The following GRAMD1C variants were observed in gnomAD, a reference collection of about 807,000 sequenced individuals.
The protein encoded by GRAMD1C is GRAM domain containing 1C.
GRAMD1C carries 89 observed loss-of-function variants against 97.8 expected under a neutral mutation model. The ratio of observed to expected loss-of-function variants is 0.91; its 90% CI spans 0.77 to 1.09. The LOEUF is 1.09. Ranked by LOEUF, GRAMD1C falls within the 50% of genes least tolerant of loss-of-function variation. The pLI is 0.00. For synonymous variants in GRAMD1C, 256 were observed against 267.0 expected, an observed-to-expected ratio of 0.96 and a Z score of 0.40; for missense variants, 740 against 766.4, an observed-to-expected ratio of 0.97 and a Z score of 0.41.
At position 113,913,159 on chromosome 3, in the gene GRAMD1C, A is replaced by T. The variant is rs554863171; in HGVS notation, c.953-2542A>T. ...CTACTCTGGCCCCCAGTGGCCAAAT[A>T]GGTAAGTAGCACCAAAACCAGGATT... On this transcript the variant is annotated intron_variant, in intron 9 of 17. Transcript: ENST00000358160. The T allele has an allele frequency of 3.6e-5, 43 of 1,196,628 alleles. 1 individual carries two copies. In the South Asian group the frequency reaches 5.5e-4, roughly 15 times the overall value. 74.1% of individuals were successfully genotyped at this position (1,196,628 alleles called of 1,614,324 possible). A position where few individuals can be genotyped will look rare whatever the true frequency, so the allele number is the denominator to read the frequency against.
chr3:113,886,873 C>T (rs1935509018), intron 6 of GRAMD1C, among the ~76,000 whole-genome samples: 1 of 144,322 alleles, frequency 6.9e-6, no homozygotes, highest in Admixed American at 7.2e-5. Flanking sequence ...CCTCCAACTC[C>T]CTGGTTCAAG....
chr3:113,900,595 A>ATT (rs71633338), intron 6 of GRAMD1C, among the ~76,000 whole-genome samples: 17 of 137,576 alleles, frequency 1.2e-4, no homozygotes, highest in South Asian at 2.4e-4. Flanking sequence ...CAATTTTTGT[A>ATT]TTTTTTTTTT....
At chr3:113,868,790 G>A (rs1934679071) in intron 2 of GRAMD1C, among the ~76,000 whole-genome samples, 1 of 152,176 alleles carries the variant, frequency 6.6e-6, no homozygotes, top group African/African-American at 2.4e-5. Flanking sequence ...CAGGAAATGT[G>A]TGGATAGCTT....
chr3:113,849,914 GC>G, intron 2 of GRAMD1C, among the ~76,000 whole-genome samples: 1 of 141,144 alleles, frequency 7.1e-6, no homozygotes. Flanking sequence ...GGCTGGCCAG[GC>G]GGGGGGGCTG....
chr3:113,877,265 T>C (rs1935084684), intron 5 of GRAMD1C, among the ~76,000 whole-genome samples: 1 of 152,234 alleles, frequency 6.6e-6, no homozygotes, highest in Non-Finnish European at 1.5e-5. Flanking sequence ...ACCTTAGATA[T>C]TCTGGCATGT....
chr3:113,830,897 G>C (rs779030758), intron 1 of GRAMD1C, among the ~76,000 whole-genome samples: 1 of 152,124 alleles, frequency 6.6e-6, no homozygotes, highest in African/African-American at 2.4e-5. Context: ...TTAGGAATTC[G>C]AGGCCAGGGT....
intron 2 of GRAMD1C, among the ~76,000 whole-genome samples, chr3:113,868,873 C>T (rs1934684887): frequency 6.6e-6 from 1 of 152,074 alleles, no homozygotes; most frequent in Non-Finnish European, 1.5e-5. Context: ...GTTTATCAGG[C>T]CCATCTATGG....
intron 2 of GRAMD1C, chr3:113,850,870 T>G (rs1483423597): frequency 1.1e-5 from 3 of 283,264 alleles, no homozygotes; most frequent in Non-Finnish European, 1.7e-5. Context: ...GGTGTGATCT[T>G]GGCTCACTGC....
chr3:113,850,805 A>G, intron 2 of GRAMD1C: 1 of 705,058 alleles, frequency 1.4e-6, no homozygotes, highest in Non-Finnish European at 2.1e-6. Context: ...TATTTTTTTA[A>G]TTTTTATTTT....
At chr3:113,872,551 C>T (rs561530317) in intron 3 of GRAMD1C, among the ~76,000 whole-genome samples, 3 of 151,094 alleles carry the variant, frequency 2.0e-5, no homozygotes, top group African/African-American at 7.3e-5. Context: ...CACACCACCA[C>T]GTCCGGTTAA....
chr3:113,907,893 G>A (rs1225817071), intron 8 of GRAMD1C, among the ~76,000 whole-genome samples: 1 of 152,178 alleles, frequency 6.6e-6, no homozygotes, highest in Non-Finnish European at 1.5e-5. Context: ...CTGTTAAGGG[G>A]CCCCTGGTTT....
At chr3:113,918,273 T>G (rs1936912056) in intron 10 of GRAMD1C, among the ~76,000 whole-genome samples, 1 of 152,236 alleles carries the variant, frequency 6.6e-6, no homozygotes, top group Admixed American at 6.5e-5. Flanking sequence ...TATTTTGTAT[T>G]TACTTGTTAG....
chr3:113,920,689 C>T (rs982324134), intron 10 of GRAMD1C, among the ~76,000 whole-genome samples: 5 of 151,922 alleles, frequency 3.3e-5, no homozygotes, highest in Admixed American at 6.6e-5. Context: ...TACAGGTGCC[C>T]GCCACCATAC....
chr3:113,927,503 C>T (rs1430509601), intron 10 of GRAMD1C, among the ~76,000 whole-genome samples: 1 of 152,214 alleles, frequency 6.6e-6, no homozygotes, highest in Admixed American at 6.5e-5. Context: ...GGGAGGGCTT[C>T]TCCCTCCTTG....
intron 6 of GRAMD1C, among the ~76,000 whole-genome samples, chr3:113,898,040 A>G (rs1055705732): frequency 6.6e-6 from 1 of 152,180 alleles, no homozygotes; most frequent in Non-Finnish European, 1.5e-5. Context: ...GGTGAATTAC[A>G]TGAGTTATAT....
At position 113,838,854 on chromosome 3, in the gene GRAMD1C, G is replaced by T. The variant is rs531322717; in HGVS notation, c.-56G>T. 29 of 1,207,490 alleles carry T rather than the reference G, an allele frequency of 2.4e-5. No homozygotes were observed. In the African/African-American group the frequency reaches 4.1e-4, roughly 17 times the overall value. The allele number at this position is 1,207,490 out of a possible 1,614,324, so 74.8% of individuals were successfully genotyped here. On this transcript the variant is annotated 5_prime_UTR_variant, in exon 1 of 18. Coordinates refer to ENST00000358160, the MANE Select transcript of GRAMD1C (RefSeq NM_017577.5). ...CGCAGCGCGCGCTGGAGGTGGGCGC[G>T]GGGCGGTGCGGTGCGGTGCGCGCGG...
chr3:113,898,635 G>C (rs1277473958), intron 6 of GRAMD1C, among the ~76,000 whole-genome samples: 2 of 151,756 alleles, frequency 1.3e-5, no homozygotes, highest in African/African-American at 2.4e-5. Flanking sequence ...ACCAAATAAG[G>C]GGTATACATT....
At chr3:113,939,198 A>T (rs1226109944) in intron 15 of GRAMD1C, 1 of 152,200 alleles carries the variant, frequency 6.6e-6, no homozygotes, top group Non-Finnish European at 1.5e-5. Context: ...AAAAGTAGAC[A>T]GATATGATGC....
chr3:113,852,315 AT>A (rs1227051076), intron 2 of GRAMD1C, among the ~76,000 whole-genome samples: 1 of 152,140 alleles, frequency 6.6e-6, no homozygotes, highest in Non-Finnish European at 1.5e-5. Context: ...GATATTTCAG[AT>A]TTTTACTTTG....
Sources: gnomAD v4.1 joint callset for allele counts (sites outside exome capture counted in the v4.1 genomes callset) on GRCh38, gnomAD v4.1.1 for gene constraint, MANE v1.5 for transcripts, NCBI Gene and HGNC (gene_info 2026-07-23, HGNC 2026-07-21) for gene names.